The following TENM3 variants were observed in gnomAD, a reference collection of about 807,000 sequenced individuals.
The protein encoded by TENM3 is teneurin-3.
Under a neutral mutation model 255.1 loss-of-function variants are expected in TENM3, and 63 were observed. The ratio of observed to expected loss-of-function variants is 0.25; its 90% CI spans 0.20 to 0.30. TENM3 has a LOEUF of 0.30. TENM3 is among the 10% of genes least tolerant of loss of function. TENM3 has a pLI of 1.00. For missense variants in TENM3, 2,929 were observed against 3,461.1 expected (o/e 0.85, Z 3.86); for synonymous variants, 1,306 against 1,322.3 (o/e 0.99, Z 0.27).
chr4:181,748,843 G>A, the TENM3 span, among the ~76,000 whole-genome samples: 1 of 152,080 alleles, frequency 6.6e-6, no homozygotes, highest in Admixed American at 6.6e-5. Context: ...AGGGCCAGGT[G>A]TCACTGCATA....
chr4:181,638,660 A>G, the TENM3 span, among the ~76,000 whole-genome samples: 1 of 152,220 alleles, frequency 6.6e-6, no homozygotes, highest in Non-Finnish European at 1.5e-5. Flanking sequence ...TCTGTAGTAA[A>G]AATGGAAACT....
At chr4:182,391,228 C>T (rs924833232) in intron 3 of TENM3, among the ~76,000 whole-genome samples, 1 of 151,552 alleles carries the variant, frequency 6.6e-6, no homozygotes, top group Admixed American at 6.6e-5. Context: ...TATGCCCATC[C>T]GTGCCCATGA....
the TENM3 span, among the ~76,000 whole-genome samples, chr4:181,464,087 A>G: frequency 1.3e-5 from 2 of 152,206 alleles, no homozygotes; most frequent in Non-Finnish European, 2.9e-5. Flanking sequence ...GTTTTGGACT[A>G]CTGTGAATAA....
At chr4:182,140,989 CT>C (rs70954289), upstream of TENM3, among the ~76,000 whole-genome samples, 28,800 of 118,876 alleles carry the variant, frequency 0.24, 3,410 homozygotes, top group Admixed American at 0.39. Context: ...CATTATATCC[CT>C]CCCCCCCGCC....
intron 1 of TENM3, among the ~76,000 whole-genome samples, chr4:182,317,080 T>G (rs183689396): frequency 1.2e-3 from 189 of 152,362 alleles, no homozygotes; most frequent in African/African-American, 4.3e-3. Flanking sequence ...TTCTTGTTAC[T>G]GCAATCTTGG....
chr4:181,888,503 T>TGTATATATATATATAC, the TENM3 span, among the ~76,000 whole-genome samples: 1 of 25,596 alleles, frequency 3.9e-5, no homozygotes, highest in South Asian at 1.8e-3. Context: ...TGTATATATA[T>TGTATATATATATATAC]ATATATATAT....
intron 2 of TENM3, among the ~76,000 whole-genome samples, chr4:182,345,425 A>G (rs1412485529): frequency 6.6e-6 from 1 of 152,358 alleles, no homozygotes; most frequent in East Asian, 1.9e-4. Context: ...TTTAAGAGGT[A>G]GAAGTAGGGA....
At chr4:182,480,922 C>T (rs947912903) in intron 3 of TENM3, among the ~76,000 whole-genome samples, 1 of 152,066 alleles carries the variant, frequency 6.6e-6, no homozygotes, top group African/African-American at 2.4e-5. Context: ...TATACGGAGT[C>T]ATTTTATTGA....
intron 3 of TENM3, among the ~76,000 whole-genome samples, chr4:182,551,943 G>T (rs1246035680): frequency 6.6e-6 from 1 of 151,722 alleles, no homozygotes; most frequent in East Asian, 1.9e-4. Flanking sequence ...GCTTGAGCCT[G>T]GGAGGTTGAG....
At chr4:182,657,324 T>C (rs535476714) in intron 6 of TENM3, among the ~76,000 whole-genome samples, 62 of 152,256 alleles carry the variant, frequency 4.1e-4, no homozygotes, top group African/African-American at 1.5e-3. Flanking sequence ...CCTGCTATAC[T>C]CAAACCCCTC....
At chr4:181,947,689 G>A in the TENM3 span, among the ~76,000 whole-genome samples, 2 of 151,902 alleles carry the variant, frequency 1.3e-5, no homozygotes, top group Non-Finnish European at 2.9e-5. Context: ...ATTTTGATGG[G>A]AAAGTCTTTG....
the TENM3 span, among the ~76,000 whole-genome samples, chr4:181,467,189 G>A: frequency 6.4e-5 from 9 of 140,586 alleles, no homozygotes; most frequent in East Asian, 1.9e-3. Context: ...GAGTACAATG[G>A]CACGATCTTG....
the TENM3 span, among the ~76,000 whole-genome samples, chr4:181,779,677 G>A: frequency 6.6e-6 from 1 of 152,014 alleles, no homozygotes; most frequent in Non-Finnish European, 1.5e-5. Context: ...TAGGGTACAT[G>A]TACACAATGT....
chr4:181,888,520 A>ACATATATGTG, the TENM3 span, among the ~76,000 whole-genome samples: 3 of 92,210 alleles, frequency 3.3e-5, no homozygotes, highest in African/African-American at 1.1e-4. Flanking sequence ...ATATATGTAT[A>ACATATATGTG]TATATACATA....
At chr4:181,839,384 T>TATACACACAC in the TENM3 span, among the ~76,000 whole-genome samples, 1 of 83,496 alleles carries the variant, frequency 1.2e-5, no homozygotes, top group Non-Finnish European at 2.3e-5. Flanking sequence ...TATATATATA[T>TATACACACAC]ACACCTATAT....
At chr4:182,239,140 G>C (rs1030685533), upstream of TENM3, among the ~76,000 whole-genome samples, 2 of 149,904 alleles carry the variant, frequency 1.3e-5, no homozygotes, top group Non-Finnish European at 1.5e-5. Flanking sequence ...GCAATGGCAC[G>C]ATCTCGACTC....
At chr4:181,958,566 A>G in the TENM3 span, among the ~76,000 whole-genome samples, 1 of 152,270 alleles carries the variant, frequency 6.6e-6, no homozygotes, top group Non-Finnish European at 1.5e-5. Context: ...GAAGCTGGGC[A>G]TGTTGTCTAA....
the TENM3 span, among the ~76,000 whole-genome samples, chr4:181,517,626 T>A: frequency 6.6e-6 from 1 of 152,224 alleles, no homozygotes; most frequent in African/African-American, 2.4e-5. Flanking sequence ...ACAATTGGTT[T>A]GTTCATTTAT....
At chr4:181,659,722 C>T in the TENM3 span, among the ~76,000 whole-genome samples, 2 of 152,280 alleles carry the variant, frequency 1.3e-5, no homozygotes, top group African/African-American at 4.8e-5. Flanking sequence ...TTTTCATCTG[C>T]TCTTGAATAT....
Sources: gnomAD v4.1 joint callset for allele counts (sites outside exome capture counted in the v4.1 genomes callset) on GRCh38, gnomAD v4.1.1 for gene constraint, MANE v1.5 for transcripts, NCBI Gene and HGNC (gene_info 2026-07-23, HGNC 2026-07-21) for gene names.